Variants in PLCZ1 observed in about 807,000 individuals in gnomAD.
PLCZ1 encodes the protein phospholipase C zeta 1, also known as 1-phosphatidylinositol 4,5-bisphosphate phosphodiesterase zeta-1.
In PLCZ1, 64 loss-of-function variants were observed where a neutral mutation model predicts 76.8. The ratio of observed to expected loss-of-function variants is 0.83; its 90% CI spans 0.68 to 1.03. The LOEUF (loss-of-function observed/expected upper bound fraction) is 1.03, where lower values mean the gene tolerates loss of function less well. Ranked by LOEUF, PLCZ1 falls within the 50% of genes least tolerant of loss-of-function variation. PLCZ1 has a pLI of 0.00. For missense variants in PLCZ1, 751 were observed against 713.7 expected (o/e 1.05, Z -0.60); for synonymous variants, 248 against 230.8 (o/e 1.07, Z -0.68).
intron 3 of PLCZ1, among the ~76,000 whole-genome samples, chr12:18,730,507 T>C (rs1487280500): frequency 6.6e-6 from 1 of 152,132 alleles, no homozygotes; most frequent in Non-Finnish European, 1.5e-5. Flanking sequence ...TTACAGTTAT[T>C]TTAGGGAGGT....
At chr12:18,671,799 G>C in the PLCZ1 span, among the ~76,000 whole-genome samples, 3 of 152,190 alleles carry the variant, frequency 2.0e-5, no homozygotes, top group South Asian at 6.2e-4. Context: ...ATCCATGGAG[G>C]GGCTACAAAC....
At chr12:18,674,723 T>C in the PLCZ1 span, among the ~76,000 whole-genome samples, 1 of 152,166 alleles carries the variant, frequency 6.6e-6, no homozygotes, top group African/African-American at 2.4e-5. Flanking sequence ...TGGTCTTTTG[T>C]TTGCTCTAAC....
the PLCZ1 span, among the ~76,000 whole-genome samples, chr12:18,664,594 G>A: frequency 6.6e-6 from 1 of 152,124 alleles, no homozygotes; most frequent in African/African-American, 2.4e-5. Flanking sequence ...GAGTAGAATA[G>A]TGGTTGCCAG....
At chr12:18,700,512 C>CCAA (rs1955738356) in intron 9 of PLCZ1, among the ~76,000 whole-genome samples, 3 of 67,896 alleles carry the variant, frequency 4.4e-5, no homozygotes, top group Non-Finnish European at 7.5e-5. Flanking sequence ...AGCCAACGTA[C>CCAA]AAAAAAAAAA....
intron 5 of PLCZ1, among the ~76,000 whole-genome samples, chr12:18,719,202 T>C (rs766710731): frequency 1.3e-5 from 2 of 152,034 alleles, no homozygotes; most frequent in Non-Finnish European, 2.9e-5. Context: ...GGTTAACAGG[T>C]GGGATTAGAA....
chr12:18,694,195 A>G, intron 12 of PLCZ1: 1 of 633,314 alleles, frequency 1.6e-6, no homozygotes, highest in Non-Finnish European at 2.8e-6. Context: ...CTCTGTTCCC[A>G]TTGATTTTTA....
chr12:18,653,255 G>A, the PLCZ1 span, among the ~76,000 whole-genome samples: 2 of 152,116 alleles, frequency 1.3e-5, no homozygotes, highest in South Asian at 4.1e-4. Context: ...GCCATCATTA[G>A]TCACATATTA....
chr12:18,669,622 T>C, the PLCZ1 span, among the ~76,000 whole-genome samples: 7 of 152,016 alleles, frequency 4.6e-5, no homozygotes, highest in Admixed American at 2.0e-4. Context: ...TGCAGCTGAA[T>C]CCTCACATGG....
At chr12:18,669,136 A>G in the PLCZ1 span, among the ~76,000 whole-genome samples, 1 of 152,182 alleles carries the variant, frequency 6.6e-6, no homozygotes, top group Non-Finnish European at 1.5e-5. Flanking sequence ...CCTTGTAACA[A>G]TGATTATTTT....
chr12:18,654,210 T>C, the PLCZ1 span, among the ~76,000 whole-genome samples: 2 of 151,382 alleles, frequency 1.3e-5, no homozygotes, highest in Admixed American at 6.6e-5. Flanking sequence ...GTCAATATAC[T>C]CAGGTCCAAC....
chr12:18,650,722 A>ATATATATC, the PLCZ1 span, among the ~76,000 whole-genome samples: 9 of 16,580 alleles, frequency 5.4e-4, no homozygotes, highest in South Asian at 5.8e-3. Flanking sequence ...CTATATATAT[A>ATATATATC]TATATATATA....
Position 18,705,265 on chromosome 12 carries a change from G to A in PLCZ1, c.765C>T (p.Ala255=), listed in dbSNP as rs142038799. Residue 255 remains alanine, a synonymous_variant, in exon 7 of 15, where the codon GCC becomes GCT. Coordinates refer to ENST00000266505, the MANE Select transcript of PLCZ1 (RefSeq NM_033123.4). The part of the protein sequence containing the change: ...VLSLENHCST[A]QQEVMADNLQ... ...AATTGTCTGCCATTACTTCTTGTTG[G>A]GCAGTGGAGCAGTGATTTTCTAAAG... The A allele has an allele frequency of 6.2e-6, 10 of 1,613,886 alleles. No homozygotes were observed. The highest frequency in any genetic ancestry group is 8.5e-6 in the Non-Finnish European group (10 of 1,179,988).
At chr12:18,681,377 C>T (rs969025483), downstream of PLCZ1, among the ~76,000 whole-genome samples, 1 of 151,962 alleles carries the variant, frequency 6.6e-6, no homozygotes, top group African/African-American at 2.4e-5. Context: ...TAGCCTTTTC[C>T]GATGTTTTCT....
At chr12:18,704,773 T>G (rs1956392802) in intron 7 of PLCZ1, among the ~76,000 whole-genome samples, 1 of 152,098 alleles carries the variant, frequency 6.6e-6, no homozygotes, top group Admixed American at 6.6e-5. Flanking sequence ...AAAGAGTAGA[T>G]TTTTTAAAGG....
At position 18,737,879 on chromosome 12, in the gene PLCZ1, T is replaced by C. The variant is rs145629422; in HGVS notation, c.-139+53A>G. ...TGCAAAGTGCTGTCACTCTTGAAACTTTGGGCTGCTTCTCTAGATCGTTGA... is the reference window on the plus strand; with the variant it reads ...TGCAAAGTGCTGTCACTCTTGAAACCTTGGGCTGCTTCTCTAGATCGTTGA... On this transcript the variant is annotated intron_variant, in intron 1 of 14. Coordinates refer to ENST00000266505, the MANE Select transcript of PLCZ1 (RefSeq NM_033123.4). 1.8e-3 allele frequency: 516 copies of C among 281,976 alleles called. 6 individuals are homozygous for C. Among genetic ancestry groups the C allele is most frequent in the African/African-American group, 0.01 (472 of 46,134 alleles). The allele number at this position is 281,976 out of a possible 1,614,324, so 17.5% of individuals were successfully genotyped here. A position where few individuals can be genotyped will look rare whatever the true frequency, so the allele number is the denominator to read the frequency against.
the PLCZ1 span, among the ~76,000 whole-genome samples, chr12:18,651,085 C>G: frequency 6.6e-6 from 1 of 151,934 alleles, no homozygotes; most frequent in Non-Finnish European, 1.5e-5. Flanking sequence ...ACCTCCCATC[C>G]TCATCTCTCT....
chr12:18,707,199 C>A (rs565992331), intron 6 of PLCZ1, among the ~76,000 whole-genome samples: 1 of 152,268 alleles, frequency 6.6e-6, no homozygotes, highest in Admixed American at 6.5e-5. Flanking sequence ...CCAAATAAAA[C>A]AACATTTACA....
the PLCZ1 span, among the ~76,000 whole-genome samples, chr12:18,664,650 T>C: frequency 6.6e-6 from 1 of 151,974 alleles, no homozygotes; most frequent in Non-Finnish European, 1.5e-5. Flanking sequence ...AGCCATCCCA[T>C]TATTGGGTAT....
intron 3 of PLCZ1, among the ~76,000 whole-genome samples, chr12:18,728,716 T>G (rs2150747690): frequency 6.6e-6 from 1 of 152,170 alleles, no homozygotes. Flanking sequence ...CTAAAAAGAT[T>G]TTCGAGATAG....
Sources: gnomAD v4.1 joint callset for allele counts (sites outside exome capture counted in the v4.1 genomes callset) on GRCh38, gnomAD v4.1.1 for gene constraint, MANE v1.5 for transcripts, NCBI Gene and HGNC (gene_info 2026-07-23, HGNC 2026-07-21) for gene names.